The following ZNF16 variants were observed in gnomAD, a reference collection of about 807,000 sequenced individuals.
The protein encoded by ZNF16 is zinc finger protein KOX9.
In ZNF16, 7 loss-of-function variants were observed where a neutral mutation model predicts 9.0. The observed-to-expected ratio is 0.78, with a 90% CI of 0.44 to 1.47. The LOEUF (loss-of-function observed/expected upper bound fraction) is 1.47. Among genes scored for constraint, ZNF16 ranks in the 40% most tolerant of loss-of-function variants. The pLI is 0.01. For missense variants in ZNF16, 830 were observed against 854.2 expected, an observed-to-expected ratio of 0.97 and a Z score of 0.35; for synonymous variants, 312 against 301.5, an observed-to-expected ratio of 1.03 and a Z score of -0.36.
intron 2 of ZNF16, among the ~76,000 whole-genome samples, chr8:144,937,497 T>C (rs1411998600): frequency 2.0e-5 from 3 of 152,074 alleles, no homozygotes; most frequent in Non-Finnish European, 4.4e-5. Context: ...AAGTCCAATT[T>C]ATTTATTTTT....
At position 144,932,255 on chromosome 8, in the gene ZNF16, CT is replaced by C. The variant is rs1833570601; in HGVS notation, c.531del (p.Glu178ArgfsTer19). 3 of 1,614,092 alleles carry C rather than the reference CT, an allele frequency of 1.9e-6. No homozygotes were observed. Among genetic ancestry groups the C allele is most frequent in the Non-Finnish European group, 2.5e-6 (3 of 1,180,054 alleles). ...NLMACQEIPT[E>X]ERPHPYDMGG... Reference sequence around the variant, plus strand: ...CCCATGTCATATGGATGTGGCCTCTCTTCTGTAGGGATTTCCTGACATGCCA... The same window carrying C: ...CCCATGTCATATGGATGTGGCCTCTCTCTGTAGGGATTTCCTGACATGCCA... On this transcript the variant is annotated frameshift_variant, in exon 3 of 3. Coordinates refer to ENST00000394909, the MANE Select transcript of ZNF16 (RefSeq NM_006958.3). LOFTEE classifies it low-confidence loss of function (END_TRUNC). The surrounding 1 kb of genome is among the most constrained non-coding windows in gnomAD (Gnocchi z 5.0).
intron 1 of ZNF16, among the ~76,000 whole-genome samples, chr8:144,948,828 G>T (rs1396465659): frequency 6.6e-6 from 1 of 152,060 alleles, no homozygotes; most frequent in African/African-American, 2.4e-5. Context: ...TCTCACCCAG[G>T]TCCATATCCT....
At position 144,946,690 on chromosome 8, in the gene ZNF16, C is replaced by CCCTGCTGTGGGCCCGTGT. The variant is rs1563925878; in HGVS notation, c.-9-493_-9-476dup. Among the ~76,000 whole-genome samples the CCCTGCTGTGGGCCCGTGT allele has an allele frequency of 3.7e-5, 4 of 108,270 alleles. 1 individual carries two copies. The highest frequency in any genetic ancestry group is 7.7e-5 in the African/African-American group (2 of 25,898). The allele number at this position is 108,270 out of a possible 152,430, so 71.0% of individuals were successfully genotyped here. Reference sequence around the variant, plus strand: ...GGCCTGTACCCTACTGTGGGCCATACCCTGCTGTGGGCCCGTGTCCTGCTG... The same window carrying CCCTGCTGTGGGCCCGTGT: ...GGCCTGTACCCTACTGTGGGCCATACCCTGCTGTGGGCCCGTGTCCTGCTGTGGGCCCGTGTCCTGCTG... On this transcript the variant is annotated intron_variant, in intron 1 of 2. Transcript: ENST00000394909.
chr8:144,931,799 A>G lies in ZNF16; in HGVS notation c.988T>C (p.Phe330Leu). The change falls in exon 3 of 3, where the codon TTT becomes CTT. Residue 330 changes from phenylalanine (F) to leucine (L), a missense_variant. Phe to Leu is a conservative substitution (Grantham distance 22). Transcript: ENST00000394909. Reference sequence around the variant, plus strand: ...TGGATGAGGTTTGAGCTCCGCCTAAAAGCCTTCCCACATTCATTGCATTCA... The same window carrying G: ...TGGATGAGGTTTGAGCTCCGCCTAAGAGCCTTCCCACATTCATTGCATTCA... ...PYECNECGKA[F>L]RRSSNLIQHQ... The G allele has an allele frequency of 6.2e-7, 1 of 1,614,210 alleles. No homozygotes were observed. Among genetic ancestry groups the G allele is most frequent in the East Asian group, 2.2e-5 (1 of 44,872 alleles).
chr8:144,945,843 G>C, intron 2 of ZNF16, 168 bp downstream of exon 2: 1 of 1,338,124 alleles, frequency 7.5e-7, no homozygotes, highest in African/African-American at 1.5e-5. Flanking sequence ...CAGGGGCCAG[G>C]CTAGGTTAAC....
At chr8:144,949,622 T>C (rs1174613973) in intron 1 of ZNF16, among the ~76,000 whole-genome samples, 1 of 152,236 alleles carries the variant, frequency 6.6e-6, no homozygotes, top group African/African-American at 2.4e-5. Context: ...ATGTGTTGTA[T>C]GGAATCAAGG....
At chr8:144,949,473 C>CT (rs1459010954) in intron 1 of ZNF16, among the ~76,000 whole-genome samples, 1 of 152,220 alleles carries the variant, frequency 6.6e-6, no homozygotes, top group East Asian at 1.9e-4. Flanking sequence ...AAAGATCAGA[C>CT]TGTTACTGTG....
At chr8:144,941,894 A>C (rs144472644) in intron 2 of ZNF16, among the ~76,000 whole-genome samples, 1 of 147,152 alleles carries the variant, frequency 6.8e-6, no homozygotes, top group Non-Finnish European at 1.5e-5. Flanking sequence ...TCCTGACCTC[A>C]TGATCTGCCC....
chr8:144,931,915 C>G lies in ZNF16; in HGVS notation c.872G>C (p.Arg291Thr). Residue 291 changes from arginine (R) to threonine (T), a missense_variant, in exon 3 of 3, where the codon AGG (arginine) becomes ACG (threonine). Coordinates refer to ENST00000394909, the MANE Select transcript of ZNF16 (RefSeq NM_006958.3). ...SRHQSHHSSE[R>T]PYMCNECGKA... ...TCCACATTCATTACACATATAAGGC[C>G]TCTCACTGCTGTGGTGACTCTGATG... is the stretch of plus-strand genomic sequence containing the variant. 6.2e-7 allele frequency: 1 copy of G among 1,614,114 alleles called. No individual in the cohort carries two copies. The highest frequency in any genetic ancestry group is 8.5e-7 in the Non-Finnish European group (1 of 1,180,014).
chr8:144,945,770 T>C (rs961501886), intron 2 of ZNF16: 5 of 653,994 alleles, frequency 7.6e-6, no homozygotes, highest in Non-Finnish European at 1.2e-5. Context: ...CAAAGGACGC[T>C]GGTGGCCATC....
chr8:144,935,640 G>A (rs1833664604), intron 2 of ZNF16, among the ~76,000 whole-genome samples: 3 of 152,200 alleles, frequency 2.0e-5, no homozygotes, highest in Admixed American at 2.0e-4. Flanking sequence ...AGCCCTTCCA[G>A]AACAAAACAC....
At chr8:144,949,949 T>C (rs566833448) in intron 1 of ZNF16, among the ~76,000 whole-genome samples, 1 of 152,244 alleles carries the variant, frequency 6.6e-6, no homozygotes, top group Admixed American at 6.5e-5. Context: ...GGCCACTCTC[T>C]CCTGCCTGCC....
chr8:144,931,284 G>C lies in ZNF16; in HGVS notation c.1503C>G (p.Ser501Arg). 1 of 1,614,074 alleles carries C rather than the reference G, an allele frequency of 6.2e-7. No homozygotes were observed. The highest frequency in any genetic ancestry group is 2.2e-5 in the East Asian group (1 of 44,858). The change falls in exon 3 of 3, where the codon AGC (serine) becomes AGG (arginine). Residue 501 changes from serine to arginine, a missense_variant. Transcript: ENST00000394909. ...CSVCGKAFSH[S>R]SALIQHQGVH... is the part of the protein sequence containing the mutation. Reference sequence around the variant, plus strand: ...CGCCCTGGTGCTGAATGAGGGCTGAGCTGTGGCTGAAGGCCTTCCCACAGA... The same window carrying C: ...CGCCCTGGTGCTGAATGAGGGCTGACCTGTGGCTGAAGGCCTTCCCACAGA...
rs910678195 is a variant in ZNF16, at chr8:144,941,744, T to C, written c.196+4267A>G. 4.0e-5 allele frequency among the ~76,000 whole-genome samples: 6 copies of C among 150,748 alleles called. No homozygotes were observed. In the South Asian group the frequency reaches 6.3e-4, roughly 16 times the overall value. On this transcript the variant is annotated intron_variant, in intron 2 of 2. Coordinates refer to ENST00000394909, the MANE Select transcript of ZNF16 (RefSeq NM_006958.3). Reference sequence around the variant, plus strand: ...CATGGTCTCAGCTTACTGCAACCTCTGCCTCCCAGGTTCAAGGGATTCTCC... The same window carrying C: ...CATGGTCTCAGCTTACTGCAACCTCCGCCTCCCAGGTTCAAGGGATTCTCC...
At chr8:144,944,431 ACAGGCGTGAGCCACCG>A (rs1194878040) in intron 2 of ZNF16, 11 of 151,314 alleles carry the variant, frequency 7.3e-5, no homozygotes, top group African/African-American at 1.7e-4. Context: ...GTGCTGGGTT[ACAGGCGTGAGCCACCG>A]TGGTGCTGGG....
intron 1 of ZNF16, 56 bp from the exon 2 acceptor site, chr8:144,946,271 A>T: frequency 7.1e-7 from 1 of 1,401,782 alleles, no homozygotes; most frequent in Non-Finnish European, 9.3e-7. Context: ...CTAGGGATTC[A>T]TCCTCCCATC....
chr8:144,935,632 C>G (rs1451896757), intron 2 of ZNF16, among the ~76,000 whole-genome samples: 2 of 152,204 alleles, frequency 1.3e-5, no homozygotes, highest in Non-Finnish European at 1.5e-5. Flanking sequence ...GGACTCTGAG[C>G]CCTTCCAGAA....
chr8:144,948,603 G>C (rs1426773452), intron 1 of ZNF16: 1 of 152,124 alleles, frequency 6.6e-6, no homozygotes, highest in African/African-American at 2.4e-5. Flanking sequence ...AAGGTAAAAA[G>C]GATTTATGGT....
At chr8:144,936,994 C>T (rs933130342) in intron 2 of ZNF16, among the ~76,000 whole-genome samples, 3 of 151,900 alleles carry the variant, frequency 2.0e-5, no homozygotes, top group Non-Finnish European at 4.4e-5. Context: ...CGTGCCCAGC[C>T]TTTGCCCATT....
Sources: allele counts gnomAD v4.1 joint callset (sites outside exome capture counted in the v4.1 genomes callset), GRCh38; gene constraint gnomAD v4.1.1; non-coding constraint Gnocchi (gnomAD v3.1); transcripts MANE v1.5; gene names NCBI Gene and HGNC (gene_info 2026-07-23, HGNC 2026-07-21).